The following HIF1A variants were observed in gnomAD, a reference collection of about 807,000 sequenced individuals.
HIF1A encodes the protein hypoxia inducible factor 1 subunit alpha, also known as hypoxia-inducible factor 1-alpha.
HIF1A carries 24 observed loss-of-function variants against 92.7 expected under a neutral mutation model. That is an observed-to-expected ratio of 0.26 (90% CI 0.19 to 0.36). HIF1A has a LOEUF of 0.36. Ranked by LOEUF, HIF1A falls within the 10% of genes least tolerant of loss-of-function variation. HIF1A has a pLI of 1.00. For synonymous variants in HIF1A, 319 were observed against 338.7 expected (o/e 0.94, Z 0.64); for missense variants, 799 against 998.5 (o/e 0.80, Z 2.69).
intron 12 of HIF1A, 33 bp downstream of exon 12, chr14:61,741,221 TTTA>T (rs756228368): frequency 9.1e-6 from 13 of 1,426,658 alleles, no homozygotes; most frequent in South Asian, 2.7e-5. Flanking sequence ...TTATAGTTCT[TTTA>T]TTATTTTTGA....
intron 1 of HIF1A, chr14:61,697,988 C>A: frequency 7.9e-7 from 1 of 1,259,720 alleles, no homozygotes; most frequent in Non-Finnish European, 1.1e-6. Context: ...TAACGCAGGA[C>A]ATTTCATGTT....
At chr14:61,733,862 T>G (rs1419407249) in intron 7 of HIF1A, among the ~76,000 whole-genome samples, 2 of 152,126 alleles carry the variant, frequency 1.3e-5, no homozygotes, top group Non-Finnish European at 2.9e-5. Flanking sequence ...CCTAAGTCAT[T>G]AAAGGAATTT....
intron 1 of HIF1A, chr14:61,697,563 C>T: frequency 2.5e-6 from 1 of 395,144 alleles, no homozygotes; most frequent in Non-Finnish European, 3.6e-6. Flanking sequence ...TCATCAGCCC[C>T]AATTCTAAAT....
In HIF1A at chr14:61,729,840, A is replaced by G. The variant is rs558257879; in HGVS notation, c.773+2185A>G. Among the ~76,000 whole-genome samples the G allele has an allele frequency of 2.0e-5, 3 of 152,254 alleles. No homozygotes were observed. In the East Asian group the frequency reaches 5.8e-4, roughly 29 times the overall value. ...AGGTAACAGTAAAGACAGCCAGCTC[A>G]TATATCAACCAAGACAGTTTTGAGT... On this transcript the variant is annotated intron_variant, in intron 6 of 14. Transcript: ENST00000337138.
At position 61,745,596 on chromosome 14, in the gene HIF1A, TATA is replaced by T. The variant is rs373842070; in HGVS notation, c.2203-92_2203-90del. The T allele has an allele frequency of 1.6e-3, 1,576 of 979,254 alleles. 26 individuals carry two copies. The African/African-American group carries it at 0.021, about 13-fold the overall frequency. 60.7% of individuals were successfully genotyped at this position (979,254 alleles called of 1,614,324 possible). On this transcript the variant is annotated intron_variant, in intron 13 of 14. Coordinates refer to ENST00000337138, the MANE Select transcript of HIF1A (RefSeq NM_001530.4). The stretch of plus-strand genomic sequence containing the variant: ...TTAGGGTAGTATTTAAGAAACTGCC[TATA>T]ATGTTATTAAATTTACACCAATTTC...
At chr14:61,710,334 C>G (rs900645147) in intron 1 of HIF1A, among the ~76,000 whole-genome samples, 3 of 152,112 alleles carry the variant, frequency 2.0e-5, no homozygotes, top group African/African-American at 7.2e-5. Flanking sequence ...ACATTTGTTC[C>G]ATAAGATAAC....
intron 14 of HIF1A, 130 bp from the exon 15 acceptor site, chr14:61,746,804 T>G: frequency 1.6e-6 from 1 of 626,160 alleles, no homozygotes. Context: ...TAGTTGTGGT[T>G]TTGCCAGGTA....
chr14:61,714,810 G>A (rs924074369), intron 1 of HIF1A, among the ~76,000 whole-genome samples: 3 of 152,310 alleles, frequency 2.0e-5, no homozygotes, highest in African/African-American at 7.2e-5. Context: ...AAGGTGGGCA[G>A]ATCACCTGAG....
intron 6 of HIF1A, among the ~76,000 whole-genome samples, chr14:61,729,473 A>AC (rs2044548425): frequency 6.6e-6 from 1 of 151,312 alleles, no homozygotes; most frequent in Non-Finnish European, 1.5e-5. Context: ...AAAAACAAAA[A>AC]CAAAACAAAA....
At position 61,732,403 on chromosome 14, in the gene HIF1A, A is replaced by G. The variant is rs758585437; in HGVS notation, c.774-15A>G. 7.7e-6 allele frequency: 12 copies of G among 1,553,450 alleles called. No individual in the cohort carries two copies. In the African/African-American group the frequency reaches 8.2e-5, roughly 11 times the overall value. ...CTCCCTTTTTTTTCTTAAATCTTGT[A>G]TTTTTTACTAACAGAATTACCGAAT... On this transcript the variant is annotated splice_polypyrimidine_tract_variant and intron_variant, in intron 6 of 14. Transcript: ENST00000337138.
chr14:61,715,387 C>T (rs1172118599), intron 1 of HIF1A, among the ~76,000 whole-genome samples: 1 of 152,162 alleles, frequency 6.6e-6, no homozygotes, highest in African/African-American at 2.4e-5. Context: ...TCCTATAATT[C>T]CTTCTTTATG....
At chr14:61,737,185 C>T (rs554247871) in intron 9 of HIF1A, 76 bp downstream of exon 9, 94 of 989,588 alleles carry the variant, frequency 9.5e-5, no homozygotes, top group African/African-American at 7.6e-4. Flanking sequence ...CATTACTTTA[C>T]GGTTTTTGTT....
intron 6 of HIF1A, among the ~76,000 whole-genome samples, chr14:61,731,431 G>C (rs2044574270): frequency 6.6e-6 from 1 of 152,198 alleles, no homozygotes; most frequent in African/African-American, 2.4e-5. Flanking sequence ...CAGCGAGCTA[G>C]ATAGGGTAAT....
chr14:61,708,523 G>T (rs2044269567), intron 1 of HIF1A, among the ~76,000 whole-genome samples: 1 of 152,114 alleles, frequency 6.6e-6, no homozygotes, highest in African/African-American at 2.4e-5. Flanking sequence ...TCTGCATATG[G>T]CTAGCCAGTT....
intron 1 of HIF1A, among the ~76,000 whole-genome samples, chr14:61,704,645 T>TG (rs2044216596): frequency 6.6e-6 from 1 of 152,194 alleles, no homozygotes; most frequent in African/African-American, 2.4e-5. Flanking sequence ...AAGCCTTCAC[T>TG]GTGAATGGAT....
chr14:61,734,162 C>A lies in HIF1A; in HGVS notation c.905C>A (p.Thr302Lys). 6.2e-7 allele frequency: 1 copy of A among 1,604,794 alleles called. No individual in the cohort carries two copies. The highest frequency in any genetic ancestry group is 8.5e-7 in the Non-Finnish European group (1 of 1,175,518). ...HDMFTKGQVT[T>K]GQYRMLAKRG... Reference sequence around the variant, plus strand: ...GTGTTTACTAAAGGACAAGTCACCACAGGACAGTACAGGATGCTTGCCAAA... The same window carrying A: ...GTGTTTACTAAAGGACAAGTCACCAAAGGACAGTACAGGATGCTTGCCAAA... The change falls in exon 8 of 15, where the codon ACA becomes AAA. Residue 302 changes from threonine (T) to lysine (K), a missense_variant. Coordinates refer to ENST00000337138, the MANE Select transcript of HIF1A (RefSeq NM_001530.4).
chr14:61,707,020 A>T (rs1026494542), intron 1 of HIF1A, among the ~76,000 whole-genome samples: 1 of 152,226 alleles, frequency 6.6e-6, no homozygotes, highest in Non-Finnish European at 1.5e-5. Flanking sequence ...TTAATGTCTT[A>T]GGAGGTGGAT....
intron 1 of HIF1A, among the ~76,000 whole-genome samples, chr14:61,701,536 C>T (rs530759859): frequency 6.6e-6 from 1 of 151,748 alleles, no homozygotes; most frequent in African/African-American, 2.4e-5. Context: ...GGTTTAAAGG[C>T]GAAAGTTGAA....
intron 9 of HIF1A, 33 bp from the exon 10 acceptor site, chr14:61,738,054 T>C (rs761812402): frequency 1.3e-6 from 2 of 1,510,484 alleles, no homozygotes; most frequent in Admixed American, 2.1e-5. Flanking sequence ...AATCCTTCTA[T>C]ACTTTAGATT....
Sources: gnomAD v4.1 joint callset for allele counts (sites outside exome capture counted in the v4.1 genomes callset) on GRCh38, gnomAD v4.1.1 for gene constraint, MANE v1.5 for transcripts, NCBI Gene and HGNC (gene_info 2026-07-23, HGNC 2026-07-21) for gene names.